The following NME9 variants were observed in gnomAD, a reference collection of about 807,000 sequenced individuals.
NME9 encodes thioredoxin domain-containing protein 6.
In NME9, 48 loss-of-function variants were observed where a neutral mutation model predicts 44.4. The observed-to-expected ratio is 1.08, with a 90% CI of 0.86 to 1.37. The LOEUF (loss-of-function observed/expected upper bound fraction) is 1.37. Ranked by LOEUF, NME9 falls within the 40% of genes most tolerant of loss-of-function variation. The probability of loss-of-function intolerance (pLI) is 0.00; values close to 1 mark genes in which losing one functional copy is unlikely to be tolerated. For missense variants in NME9, 325 were observed against 405.2 expected (o/e 0.80, Z 1.70); for synonymous variants, 139 against 147.1 (o/e 0.94, Z 0.40).
In NME9 at chr3:138,271,798, C is replaced by CTT. The variant is rs776320900; in HGVS notation, c.746-9214_746-9213dup. ...AGTTCACAAGATTTTTTTTTTCTTTCTTTTTTTTTTTTTTTGATACAGAGT... is the reference window on the plus strand; with the variant it reads ...AGTTCACAAGATTTTTTTTTTCTTTCTTTTTTTTTTTTTTTTTGATACAGAGT... On this transcript the variant is annotated intron_variant, in intron 8 of 8. Transcript: ENST00000317876. 3.8e-4 allele frequency among the ~76,000 whole-genome samples: 52 copies of CTT among 136,132 alleles called. 1 individual carries two copies. The highest frequency in any genetic ancestry group is 1.3e-3 in the African/African-American group (45 of 35,292). The allele number at this position is 136,132 out of a possible 152,430, so 89.3% of individuals were successfully genotyped here.
At chr3:138,271,655 A>G (rs1348981837) in intron 8 of NME9, among the ~76,000 whole-genome samples, 1 of 152,202 alleles carries the variant, frequency 6.6e-6, no homozygotes, top group East Asian at 1.9e-4. Context: ...CTTGACACAT[A>G]GAGTATTCTT....
At chr3:138,323,586 A>G (rs1335235733) in intron 2 of NME9, among the ~76,000 whole-genome samples, 1 of 152,184 alleles carries the variant, frequency 6.6e-6, no homozygotes, top group African/African-American at 2.4e-5. Context: ...GAGGTTCCAG[A>G]AGGATTTCAT....
At chr3:138,289,040 A>C (rs776500223) in intron 8 of NME9, 2 of 1,609,206 alleles carry the variant, frequency 1.2e-6, no homozygotes, top group South Asian at 1.1e-5. Flanking sequence ...CTTTTTCTGT[A>C]TTAATAGGGC....
At chr3:138,298,516 C>T (rs1445397132), downstream of NME9, 1 of 152,212 alleles carries the variant, frequency 6.6e-6, no homozygotes, top group African/African-American at 2.4e-5. Flanking sequence ...GAGTGGGACC[C>T]AGTGCCTTAA....
intron 8 of NME9, among the ~76,000 whole-genome samples, chr3:138,268,197 C>G (rs1016194091): frequency 6.6e-6 from 1 of 152,012 alleles, no homozygotes; most frequent in Non-Finnish European, 1.5e-5. Flanking sequence ...GAGCTGAGAT[C>G]GCGCCACTGC....
chr3:138,271,798 C>CTTTCTTTTTTTTTTTTTTTTTTTTTTTTT (rs1018824241), intron 8 of NME9, among the ~76,000 whole-genome samples: 1 of 136,134 alleles, frequency 7.3e-6, no homozygotes, highest in African/African-American at 2.8e-5. Context: ...TTTTTTCTTT[C>CTTTCTTTTTTTTTTTTTTTTTTTTTTTTT]TTTTTTTTTT....
In NME9 at chr3:138,306,444, T is replaced by C. The variant is rs2052268162; in HGVS notation, c.497A>G (p.Lys166Arg). ...CTTTCCATGGGCCACTGCATCTGGTTTAATGATGGCCAAGGTACAGGTCCT... is the reference window on the plus strand; with the variant it reads ...CTTTCCATGGGCCACTGCATCTGGTCTAATGATGGCCAAGGTACAGGTCCT... ...SERTCTLAII[K>R]PDAVAHGKTD... Residue 166 changes from lysine (K) to arginine (R), a missense_variant, in exon 7 of 11, where the codon AAA (lysine) becomes AGA (arginine). Physicochemically the swap from Lys to Arg is conservative, Grantham distance 26. Transcript: ENST00000333911. 6.2e-7 allele frequency: 1 copy of C among 1,613,456 alleles called. No individual in the cohort carries two copies. Among genetic ancestry groups the C allele is most frequent in the Admixed American group, 1.7e-5 (1 of 59,956 alleles).
In NME9 at chr3:138,318,251, G is replaced by A. The variant is rs371367815; in HGVS notation, c.196-32C>T. On this transcript the variant is annotated intron_variant, in intron 3 of 10. Transcript: ENST00000333911. ...AAAGCCACTATCAGCAGGTACCCTG[G>A]ATGCAGGGGGTGCAGGGCCCAATTG... is the stretch of plus-strand genomic sequence containing the variant. 7.6e-6 allele frequency: 11 copies of A among 1,439,094 alleles called. No homozygotes were observed. The African/African-American group carries it at 9.8e-5, about 13-fold the overall frequency. The allele number at this position is 1,439,094 out of a possible 1,614,324, so 89.1% of individuals were successfully genotyped here.
At chr3:138,285,372 C>T (rs1390228010) in intron 8 of NME9, among the ~76,000 whole-genome samples, 2 of 152,154 alleles carry the variant, frequency 1.3e-5, no homozygotes, top group Non-Finnish European at 2.9e-5. Flanking sequence ...TTTATGATGG[C>T]CTGTCAAGTC....
chr3:138,320,301 A>G (rs193120374), intron 2 of NME9, among the ~76,000 whole-genome samples: 3 of 152,324 alleles, frequency 2.0e-5, no homozygotes, highest in African/African-American at 7.2e-5. Flanking sequence ...CGCGACCATG[A>G]AGCAGCAGCA....
intron 8 of NME9, chr3:138,263,631 C>A: frequency 9.5e-7 from 1 of 1,056,528 alleles, no homozygotes; most frequent in Non-Finnish European, 1.5e-6. Flanking sequence ...AAACTCTTGC[C>A]AAAAACAACG....
intron 1 of NME9, among the ~76,000 whole-genome samples, chr3:138,326,596 G>A (rs1421968904): frequency 3.4e-4 from 52 of 151,554 alleles, no homozygotes; most frequent in Admixed American, 3.4e-3. Context: ...ACCACACCCG[G>A]GTAATTTTTT....
chr3:138,314,237 G>T, intron 6 of NME9, 95 bp downstream of exon 6: 1 of 657,192 alleles, frequency 1.5e-6, no homozygotes, highest in Admixed American at 2.8e-5. Flanking sequence ...TCATAGTTCA[G>T]ATTGCTCAGT....
At chr3:138,306,610 G>A (rs1284294300) in intron 6 of NME9, 130 bp from the exon 7 acceptor site, 4 of 625,720 alleles carry the variant, frequency 6.4e-6, no homozygotes, top group African/African-American at 5.6e-5. Flanking sequence ...GGCTCTCAGA[G>A]TTCCCTTCCC....
At chr3:138,317,991 G>A (rs1445527922) in intron 4 of NME9, among the ~76,000 whole-genome samples, 157 bp downstream of exon 4, 2 of 151,958 alleles carry the variant, frequency 1.3e-5, no homozygotes, top group African/African-American at 4.8e-5. Context: ...AGACTGGGAG[G>A]CATCAGAGAA....
At chr3:138,309,861 C>T (rs2052566815) in intron 6 of NME9, among the ~76,000 whole-genome samples, 1 of 151,988 alleles carries the variant, frequency 6.6e-6, no homozygotes, top group Admixed American at 6.5e-5. Context: ...AACCCCATCT[C>T]TACTAAAAAT....
intron 8 of NME9, among the ~76,000 whole-genome samples, chr3:138,275,406 A>C (rs2049185940): frequency 6.6e-6 from 1 of 152,284 alleles, no homozygotes; most frequent in African/African-American, 2.4e-5. Flanking sequence ...AAAAATACAA[A>C]AAATTAGCCA....
Position 138,301,083 on chromosome 3 carries a change from A to G in NME9, c.*557T>C. On this transcript the variant is annotated 3_prime_UTR_variant, in exon 11 of 11. Coordinates refer to ENST00000333911, the MANE Select transcript of NME9 (RefSeq NM_001349018.2). ...TCTGAGATGACACTTATATCTCACA[A>G]CAGGATGTAATAACTGATGTTCAAT... is the stretch of plus-strand genomic sequence containing the variant. 2 of 969,264 alleles carry G rather than the reference A, an allele frequency of 2.1e-6. No individual in the cohort carries two copies. Among genetic ancestry groups the G allele is most frequent in the Middle Eastern group, 5.4e-4 (1 of 1,862 alleles). The allele number at this position is 969,264 out of a possible 1,614,324, so 60.0% of individuals were successfully genotyped here.
intron 8 of NME9, among the ~76,000 whole-genome samples, chr3:138,286,706 G>A (rs1179897404): frequency 6.6e-6 from 1 of 152,074 alleles, no homozygotes. Context: ...AGATCACTGG[G>A]TGGTTCTTAC....
Sources: allele counts gnomAD v4.1 joint callset (sites outside exome capture counted in the v4.1 genomes callset), GRCh38; gene constraint gnomAD v4.1.1; transcripts MANE v1.5; gene names NCBI Gene and HGNC (gene_info 2026-07-23, HGNC 2026-07-21).